Variants in ZFP82 observed in about 807,000 individuals in gnomAD.
The protein encoded by ZFP82 is ZFP82 zinc finger protein, also known as zinc finger protein 82 homolog.
In ZFP82, 30 loss-of-function variants were observed where a neutral mutation model predicts 54.0. The observed-to-expected ratio is 0.56, with a 90% CI of 0.42 to 0.75. The LOEUF is 0.75. ZFP82 is among the 30% of genes least tolerant of loss of function. The pLI is 0.00. For synonymous variants in ZFP82, 194 were observed against 209.5 expected (o/e 0.93, Z 0.64); for missense variants, 500 against 636.8 (o/e 0.79, Z 2.31).
intron 4 of ZFP82, chr19:36,394,372 T>C: frequency 4.9e-6 from 2 of 409,314 alleles, no homozygotes; most frequent in South Asian, 5.3e-5. Context: ...ACCACATAGC[T>C]TGTTACTAAC....
At chr19:36,407,094 T>A (rs1600107089) in intron 3 of ZFP82, among the ~76,000 whole-genome samples, 1 of 103,816 alleles carries the variant, frequency 9.6e-6, no homozygotes, top group Non-Finnish European at 2.0e-5. Context: ...TTTTTTTTTT[T>A]GAGACGGAGT....
In ZFP82 at chr19:36,392,462, A is replaced by C. The variant is rs2032215744; in HGVS notation, c.*279T>G. 3.3e-6 allele frequency: 1 copy of C among 300,876 alleles called. No homozygotes were observed. Among genetic ancestry groups the C allele is most frequent in the Non-Finnish European group, 6.1e-6 (1 of 163,974 alleles). 18.6% of individuals were successfully genotyped at this position (300,876 alleles called of 1,614,324 possible). On this transcript the variant is annotated 3_prime_UTR_variant, in exon 5 of 5. Transcript: ENST00000392161. ...CTTATATGACCATGTCATAAATTAA[A>C]AAATTATAGCACAGAGCAGTTAAGC...
rs2032200963 is a variant in ZFP82 at position 36,391,609 on chromosome 19, C to A, written c.*1132G>T. On this transcript the variant is annotated 3_prime_UTR_variant, in exon 5 of 5. Transcript: ENST00000392161. Reference sequence around the variant, plus strand: ...AGCCTCGAGTAGCTAGGACTACAGGCATGCACCATTATGCCCAGCTAATTT... The same window carrying A: ...AGCCTCGAGTAGCTAGGACTACAGGAATGCACCATTATGCCCAGCTAATTT... 6.6e-6 allele frequency: 1 copy of A among 152,050 alleles called. No individual in the cohort carries two copies. The highest frequency in any genetic ancestry group is 6.6e-5 in the Admixed American group (1 of 15,248). The allele number at this position is 152,050 out of a possible 1,614,324, so 9.4% of individuals were successfully genotyped here. A position where few individuals can be genotyped will look rare whatever the true frequency, so the allele number is the denominator to read the frequency against.
Position 36,392,873 on chromosome 19 carries a change from A to G in ZFP82, c.1467T>C (p.Leu489=). ...TCAGATGTTGAATAAGGGATGAATT[A>G]AGTCTAAAGGCCTTCCTACATTCCT... is the stretch of plus-strand genomic sequence containing the variant. The part of the protein sequence containing the change: ...ECKECRKAFR[L]NSSLIQHLRI... Residue 489 remains leucine (L), a synonymous_variant, in exon 5 of 5, where the codon CTT becomes CTC. Transcript: ENST00000392161. The G allele has an allele frequency of 1.2e-6, 2 of 1,613,704 alleles. No individual in the cohort carries two copies. Among genetic ancestry groups the G allele is most frequent in the Non-Finnish European group, 1.7e-6 (2 of 1,179,806 alleles).
intron 3 of ZFP82, among the ~76,000 whole-genome samples, chr19:36,407,011 T>C (rs2032492962): frequency 6.6e-6 from 1 of 152,060 alleles, no homozygotes; most frequent in South Asian, 2.1e-4. Flanking sequence ...TACATTATTA[T>C]TAACTATACT....
rs2032177049 is a variant in ZFP82, at chr19:36,390,405, G to A, written c.*2336C>T. The A allele has an allele frequency of 7.4e-6, 1 of 135,710 alleles. No individual in the cohort carries two copies. Among genetic ancestry groups the A allele is most frequent in the Non-Finnish European group, 1.5e-5 (1 of 64,944 alleles). The allele number at this position is 135,710 out of a possible 1,614,324, so 8.4% of individuals were successfully genotyped here. ...ACTTCTGCAGAATTTCCCAAATTGT[G>A]CATTTGGTTGTTTGCTTCTTTGTGT... On this transcript the variant is annotated 3_prime_UTR_variant, in exon 5 of 5. Coordinates refer to ENST00000392161, the MANE Select transcript of ZFP82 (RefSeq NM_133466.4).
rs190880454 is a variant in ZFP82 at position 36,392,679 on chromosome 19, C to T, written c.*62G>A. 30 of 1,434,124 alleles carry T rather than the reference C, an allele frequency of 2.1e-5. No homozygotes were observed. In the African/African-American group the frequency reaches 4.0e-4, roughly 19 times the overall value. The allele number at this position is 1,434,124 out of a possible 1,614,324, so 88.8% of individuals were successfully genotyped here. A position where few individuals can be genotyped will look rare whatever the true frequency, so the allele number is the denominator to read the frequency against. ...TGCCAACGCAGTTGCATGTATGGAG[C>T]AAAATAGATTAATTACTACATTCAT... On this transcript the variant is annotated 3_prime_UTR_variant, in exon 5 of 5. Transcript: ENST00000392161.
chr19:36,383,717 CTA>C (rs1273225021), downstream of ZFP82: 1 of 152,018 alleles, frequency 6.6e-6, no homozygotes, highest in Non-Finnish European at 1.5e-5. Flanking sequence ...ATAATGAAAG[CTA>C]TGATTGTATC....
rs375925003 is a variant in ZFP82 at position 36,405,665 on chromosome 19, G to A, written c.144C>T (p.Phe48=). 1.2e-6 allele frequency: 2 copies of A among 1,600,802 alleles called. No homozygotes were observed. The highest frequency in any genetic ancestry group is 8.5e-7 in the Non-Finnish European group (1 of 1,171,100). ...AGGAAATCACATCTGGTTTAGAAAT[G>A]AAGCATCCTGCTTAGAAGAAAAGGA... ...NYSNLVSLGC[F]ISKPDVISSL... Residue 48 remains phenylalanine (F), a synonymous_variant, in exon 4 of 5, where the codon TTC becomes TTT. Transcript: ENST00000392161.
At chr19:36,384,934 T>C (rs1286675720), downstream of ZFP82, among the ~76,000 whole-genome samples, 1 of 152,214 alleles carries the variant, frequency 6.6e-6, no homozygotes, top group Non-Finnish European at 1.5e-5. Flanking sequence ...AATCTTAATC[T>C]ATGAATAGAG....
rs67016146 is a variant in ZFP82 at position 36,412,095 on chromosome 19, A to AGT, written c.-78-2230_-78-2229dup. 2.6e-3 allele frequency among the ~76,000 whole-genome samples: 398 copies of AGT among 150,854 alleles called. 3 individuals are homozygous for AGT. The highest frequency in any genetic ancestry group is 0.017 in the Middle Eastern group (5 of 292). On this transcript the variant is annotated intron_variant, in intron 1 of 4. Coordinates refer to ENST00000392161, the MANE Select transcript of ZFP82 (RefSeq NM_133466.4). ...GAGAAACAGAGAGAGAGAGAGAGAGAGTGTGCGTGTGTATTAATCTCTAAG... is the reference window on the plus strand; with the variant it reads ...GAGAAACAGAGAGAGAGAGAGAGAGAGTGTGTGCGTGTGTATTAATCTCTAAG...
intron 1 of ZFP82, among the ~76,000 whole-genome samples, chr19:36,417,428 T>C (rs774029626): frequency 5.3e-5 from 8 of 152,152 alleles, no homozygotes; most frequent in Non-Finnish European, 8.8e-5. Flanking sequence ...TTATGGAGAA[T>C]GAAACAAATA....
chr19:36,386,743 C>T (rs889143966), downstream of ZFP82, among the ~76,000 whole-genome samples: 1 of 152,170 alleles, frequency 6.6e-6, no homozygotes, highest in Admixed American at 6.5e-5. Flanking sequence ...TCAAGACCAG[C>T]CTGGCCAACA....
In ZFP82 at chr19:36,393,437, C is replaced by T. The variant is rs144623951; in HGVS notation, c.903G>A (p.Gln301=). 3 of 1,613,884 alleles carry T rather than the reference C, an allele frequency of 1.9e-6. No homozygotes were observed. The African/African-American group carries it at 4.0e-5, about 22-fold the overall frequency. Reference sequence around the variant, plus strand: ...AGAGCCTGTCAGCACTATTAAGCTTCTGATGCCGAGTCAGGTGTGCGTACT... The same window carrying T: ...AGAGCCTGTCAGCACTATTAAGCTTTTGATGCCGAGTCAGGTGTGCGTACT... ...FRQYAHLTRH[Q]KLNSADRLYE... is the part of the protein sequence containing the mutation. Residue 301 remains glutamine (Q), a synonymous_variant, in exon 5 of 5, where the codon CAG becomes CAA. Transcript: ENST00000392161.
In ZFP82 at chr19:36,391,941, A is replaced by G. The variant is rs2032206191; in HGVS notation, c.*800T>C. The G allele has an allele frequency of 6.6e-6, 1 of 152,230 alleles. No individual in the cohort carries two copies. The highest frequency in any genetic ancestry group is 1.9e-4 in the East Asian group (1 of 5,198). The allele number at this position is 152,230 out of a possible 1,614,324, so 9.4% of individuals were successfully genotyped here. On this transcript the variant is annotated 3_prime_UTR_variant, in exon 5 of 5. Coordinates refer to ENST00000392161, the MANE Select transcript of ZFP82 (RefSeq NM_133466.4). ...TATGTAAAAATAAATATTTAGTATG[A>G]TAATAAAAGAAAGTTTAGTGGCTTA...
At chr19:36,413,987 A>G (rs1471990730) in intron 1 of ZFP82, among the ~76,000 whole-genome samples, 1 of 145,182 alleles carries the variant, frequency 6.9e-6, no homozygotes, top group Non-Finnish European at 1.5e-5. Context: ...TGCAAGTTCC[A>G]CCTCCCGGGT....
intron 2 of ZFP82, 75 bp from the exon 3 acceptor site, chr19:36,408,088 G>C: frequency 7.0e-4 from 1,011 of 1,438,058 alleles, no homozygotes; most frequent in Non-Finnish European, 8.8e-4. Context: ...AAAGAAGGAA[G>C]AGATATTGCA....
Position 36,418,506 on chromosome 19 carries a change from T to G in ZFP82, c.-93A>C, listed in dbSNP as rs1225026660. The G allele has an allele frequency of 6.6e-6, 1 of 152,162 alleles. No homozygotes were observed. The highest frequency in any genetic ancestry group is 1.5e-5 in the Non-Finnish European group (1 of 68,092). 9.4% of individuals were successfully genotyped at this position (152,162 alleles called of 1,614,324 possible). ...GCCCCGCTTACCTCTCTTTACCCCCTGGGCCGCAGCGCTTTTCCTACAGAT... is the reference window on the plus strand; with the variant it reads ...GCCCCGCTTACCTCTCTTTACCCCCGGGGCCGCAGCGCTTTTCCTACAGAT... On this transcript the variant is annotated 5_prime_UTR_variant, in exon 1 of 5. Transcript: ENST00000392161.
At chr19:36,415,983 C>CT (rs1057059414) in intron 1 of ZFP82, among the ~76,000 whole-genome samples, 3 of 152,160 alleles carry the variant, frequency 2.0e-5, no homozygotes, top group African/African-American at 7.2e-5. Flanking sequence ...AACAGTTTAT[C>CT]TTTTTTTCTC....
Sources: allele counts gnomAD v4.1 joint callset (sites outside exome capture counted in the v4.1 genomes callset), GRCh38; gene constraint gnomAD v4.1.1; transcripts MANE v1.5; gene names NCBI Gene and HGNC (gene_info 2026-07-23, HGNC 2026-07-21).